The following NIPA1 variants were observed in gnomAD, a reference collection of about 807,000 sequenced individuals.
The protein encoded by NIPA1 is magnesium transporter NIPA1.
A neutral mutation model predicts 23.9 loss-of-function variants in NIPA1; 13 were observed. The ratio of observed to expected loss-of-function variants is 0.54; its 90% CI spans 0.35 to 0.87. The LOEUF is 0.87. NIPA1 is among the 40% of genes least tolerant of loss of function. NIPA1 has a pLI of 0.01. For missense variants in NIPA1, 362 were observed against 429.7 expected (o/e 0.84, Z 1.39); for synonymous variants, 234 against 202.9 (o/e 1.15, Z -1.30).
chr15:22,804,238 A>G (rs1045411623), intron 1 of NIPA1, among the ~76,000 whole-genome samples: 2 of 151,948 alleles, frequency 1.3e-5, no homozygotes, highest in Non-Finnish European at 2.9e-5. Context: ...TCAGCCTCCC[A>G]AAGTGCAAGG....
intron 4 of NIPA1, among the ~76,000 whole-genome samples, chr15:22,821,158 G>T (rs1895531354): frequency 6.6e-6 from 1 of 151,578 alleles, no homozygotes; most frequent in South Asian, 2.1e-4. Context: ...GTAGAGATGG[G>T]ATTTCATCAT....
At chr15:22,809,051 T>C (rs1210018800) in intron 1 of NIPA1, among the ~76,000 whole-genome samples, 1 of 152,150 alleles carries the variant, frequency 6.6e-6, no homozygotes, top group African/African-American at 2.4e-5. Flanking sequence ...ATGTGTCTTA[T>C]ACCAAATTGT....
chr15:22,786,612 G>C (rs887769484), upstream of NIPA1: 79 of 825,436 alleles, frequency 9.6e-5, 1 homozygote, highest in African/African-American at 1.4e-3. Context: ...CCGCCCCGCG[G>C]GGCGCGGCGC....
intron 1 of NIPA1, among the ~76,000 whole-genome samples, chr15:22,802,258 GGCA>G (rs1595635563): frequency 4.6e-5 from 7 of 151,902 alleles, no homozygotes; most frequent in East Asian, 3.9e-4. Context: ...CAGGCGTGGT[GGCA>G]CATGCCTGTA....
chr15:22,814,077 C>G, intron 3 of NIPA1: 1 of 1,271,952 alleles, frequency 7.9e-7, no homozygotes, highest in Non-Finnish European at 1.0e-6. Context: ...TGCTCCACAT[C>G]TGCAGGTGTT....
At chr15:22,807,058 G>C (rs903593915) in intron 1 of NIPA1, among the ~76,000 whole-genome samples, 5 of 152,178 alleles carry the variant, frequency 3.3e-5, no homozygotes, top group African/African-American at 1.2e-4. Flanking sequence ...TACACCTTTT[G>C]ATTTGTGCAA....
intron 1 of NIPA1, among the ~76,000 whole-genome samples, chr15:22,797,130 C>T (rs1894954894): frequency 6.6e-6 from 1 of 151,774 alleles, no homozygotes; most frequent in Non-Finnish European, 1.5e-5. Flanking sequence ...ACTTCCGCCT[C>T]CCAGGTTCAA....
Position 22,829,675 on chromosome 15 carries a change from A to G in NIPA1, c.*5436A>G, listed in dbSNP as rs1010435371. ...GACCTGCTTATATTTTGCTTTATAG[A>G]TGTAGTCATAGCATGTTGTTATTGC... On this transcript the variant is annotated 3_prime_UTR_variant, in exon 5 of 5. Transcript: ENST00000337435. The G allele has an allele frequency of 2.0e-5, 3 of 152,168 alleles. No individual in the cohort carries two copies. Among genetic ancestry groups the G allele is most frequent in the African/African-American group, 7.2e-5 (3 of 41,434 alleles). 9.4% of individuals were successfully genotyped at this position (152,168 alleles called of 1,614,324 possible).
In NIPA1 at chr15:22,828,996, GAC is replaced by G. The variant is rs1247211906; in HGVS notation, c.*4763_*4764del. Reference sequence around the variant, plus strand: ...GAGTCTGCTCAGGACCATGCTGTAGGACACACAGCCTCATGCGCTGAGAAAGC... The same window carrying G: ...GAGTCTGCTCAGGACCATGCTGTAGGACACAGCCTCATGCGCTGAGAAAGC... On this transcript the variant is annotated 3_prime_UTR_variant, in exon 5 of 5. Coordinates refer to ENST00000337435, the MANE Select transcript of NIPA1 (RefSeq NM_144599.5). 5 of 152,292 alleles carry G rather than the reference GAC, an allele frequency of 3.3e-5. No individual in the cohort carries two copies. The highest frequency in any genetic ancestry group is 7.3e-5 in the Non-Finnish European group (5 of 68,050). The allele number at this position is 152,292 out of a possible 1,614,324, so 9.4% of individuals were successfully genotyped here.
intron 1 of NIPA1, among the ~76,000 whole-genome samples, chr15:22,801,397 C>T (rs1218028506): frequency 2.0e-5 from 3 of 149,648 alleles, no homozygotes; most frequent in South Asian, 2.2e-4. Context: ...CCTCAGGGTG[C>T]GTGGGGGCAG....
At chr15:22,810,991 T>C (rs1895304927) in intron 2 of NIPA1, 195 bp downstream of exon 2, 1 of 612,936 alleles carries the variant, frequency 1.6e-6, no homozygotes, top group South Asian at 1.8e-5. Flanking sequence ...CTGCTCCCCT[T>C]CCTCCCAGGA....
At chr15:22,813,401 G>C (rs186370135) in intron 3 of NIPA1, among the ~76,000 whole-genome samples, 12 of 152,232 alleles carry the variant, frequency 7.9e-5, no homozygotes, top group African/African-American at 2.9e-4. Flanking sequence ...GGGGAAAGGG[G>C]GGAAATGGGA....
At position 22,786,767 on chromosome 15, in the gene NIPA1, G is replaced by A; in HGVS notation, c.111G>A (p.Val37=). The A allele has an allele frequency of 7.6e-7, 1 of 1,321,898 alleles. No homozygotes were observed. The highest frequency in any genetic ancestry group is 9.9e-7 in the Non-Finnish European group (1 of 1,015,110). 81.9% of individuals were successfully genotyped at this position (1,321,898 alleles called of 1,614,324 possible). Residue 37 remains valine, a synonymous_variant, in exon 1 of 5, where the codon GTG becomes GTA. Transcript: ENST00000337435. ...AVSLGLGVAV[V]SSLVNGSTFV... ...CGCTCGGCCTGGGCGTGGCCGTCGTGTCGAGCCTGGTGAACGGGTCCACGT... is the reference window on the plus strand; with the variant it reads ...CGCTCGGCCTGGGCGTGGCCGTCGTATCGAGCCTGGTGAACGGGTCCACGT...
At chr15:22,801,065 A>G (rs1232983934) in intron 1 of NIPA1, among the ~76,000 whole-genome samples, 1 of 127,508 alleles carries the variant, frequency 7.8e-6, no homozygotes, top group Non-Finnish European at 1.6e-5. Context: ...CAAGAGTAAA[A>G]CTCCAGCTCA....
intron 3 of NIPA1, among the ~76,000 whole-genome samples, chr15:22,817,718 TG>T (rs1421594174): frequency 6.6e-6 from 1 of 151,418 alleles, no homozygotes; most frequent in Non-Finnish European, 1.5e-5. Context: ...GGCAGGAGAA[TG>T]GCGTGAACCC....
chr15:22,827,772 A>C lies in NIPA1; in HGVS notation c.*3533A>C, dbSNP rs1895680692. On this transcript the variant is annotated 3_prime_UTR_variant, in exon 5 of 5. Transcript: ENST00000337435. ...TCAGCTCTTTGTAAATGTTGTGCTC[A>C]ACTTCTAGGGGCCAGTTCTAGACTT... The C allele has an allele frequency of 6.6e-6, 1 of 152,092 alleles. No individual in the cohort carries two copies. Among genetic ancestry groups the C allele is most frequent in the South Asian group, 2.1e-4 (1 of 4,824 alleles). The allele number at this position is 152,092 out of a possible 1,614,324, so 9.4% of individuals were successfully genotyped here.
intron 1 of NIPA1, among the ~76,000 whole-genome samples, chr15:22,789,972 T>C (rs770186513): frequency 2.0e-5 from 3 of 152,112 alleles, no homozygotes; most frequent in Non-Finnish European, 4.4e-5. Flanking sequence ...TTTTTGTATT[T>C]TAGCAGAGAC....
At chr15:22,810,882 G>A in intron 2 of NIPA1, 86 bp downstream of exon 2, 1 of 1,053,566 alleles carries the variant, frequency 9.5e-7, no homozygotes, top group Non-Finnish European at 1.5e-6. Flanking sequence ...GCTGGGCTAG[G>A]GTGGCTCTGT....
At chr15:22,816,485 C>CT (rs1566786330) in intron 3 of NIPA1, among the ~76,000 whole-genome samples, 9,425 of 51,320 alleles carry the variant, frequency 0.18, 1,112 homozygotes, top group Admixed American at 0.38. Flanking sequence ...CCGCACCCAG[C>CT]CTTTTTTTTT....
Sources: allele counts gnomAD v4.1 joint callset (sites outside exome capture counted in the v4.1 genomes callset), GRCh38; gene constraint gnomAD v4.1.1; transcripts MANE v1.5; gene names NCBI Gene and HGNC (gene_info 2026-07-23, HGNC 2026-07-21).